RAD51B: variants seen among roughly 807,000 people sequenced by gnomAD.
RAD51B encodes RAD51 paralog B.
A neutral mutation model predicts 42.2 loss-of-function variants in RAD51B; 38 were observed. The observed-to-expected ratio is 0.90, with a 90% CI of 0.70 to 1.18. RAD51B has a LOEUF of 1.18. Ranked by LOEUF, RAD51B falls within the 50% of genes most tolerant of loss-of-function variation. RAD51B has a pLI of 0.00. For synonymous variants in RAD51B, 154 were observed against 145.2 expected (o/e 1.06, Z -0.43); for missense variants, 373 against 400.7 (o/e 0.93, Z 0.59).
chr14:68,663,528 G>A (rs1413204683), intron 11 of RAD51B, among the ~76,000 whole-genome samples: 1 of 152,174 alleles, frequency 6.6e-6, no homozygotes, highest in Admixed American at 6.5e-5. Flanking sequence ...GCCCTGGAGG[G>A]CTTCATCTTT....
At chr14:68,274,375 A>T (rs148510467) in intron 7 of RAD51B, among the ~76,000 whole-genome samples, 12 of 152,310 alleles carry the variant, frequency 7.9e-5, no homozygotes, top group African/African-American at 2.6e-4. Flanking sequence ...TATCTCTGGA[A>T]CACACATTTC....
chr14:67,842,705 A>G (rs1262662096), intron 4 of RAD51B, among the ~76,000 whole-genome samples: 1 of 152,108 alleles, frequency 6.6e-6, no homozygotes, highest in East Asian at 1.9e-4. Context: ...TCTGGCTAGG[A>G]CTTCCTGTAC....
chr14:68,368,988 G>T (rs1024466882), intron 8 of RAD51B, among the ~76,000 whole-genome samples: 6 of 151,914 alleles, frequency 3.9e-5, no homozygotes, highest in Admixed American at 3.9e-4. Flanking sequence ...TATTTTTTAG[G>T]GTTTTCCCCC....
chr14:67,823,729 A>C, intron 2 of RAD51B, 102 bp downstream of exon 2: 1 of 871,150 alleles, frequency 1.1e-6, no homozygotes, highest in Non-Finnish European at 1.7e-6. Context: ...GGCTTACAAA[A>C]AAAAGATAAA....
chr14:68,263,833 T>C (rs2080933582), intron 7 of RAD51B, among the ~76,000 whole-genome samples: 1 of 152,204 alleles, frequency 6.6e-6, no homozygotes, highest in South Asian at 2.1e-4. Context: ...GCAAACTTGA[T>C]CATCAGAAAC....
intron 7 of RAD51B, among the ~76,000 whole-genome samples, chr14:68,024,197 C>T (rs2075914504): frequency 6.6e-6 from 1 of 151,990 alleles, no homozygotes; most frequent in Non-Finnish European, 1.5e-5. Context: ...CTGTATTGAT[C>T]TATGTGTTTT....
intron 4 of RAD51B, among the ~76,000 whole-genome samples, chr14:67,855,986 C>T (rs2041986377): frequency 1.3e-5 from 2 of 152,212 alleles, no homozygotes; most frequent in Non-Finnish European, 2.9e-5. Flanking sequence ...CCCAATTCTT[C>T]ACTTACTCTC....
intron 7 of RAD51B, among the ~76,000 whole-genome samples, chr14:68,097,514 A>G (rs1371941083): frequency 3.9e-5 from 6 of 152,218 alleles, no homozygotes; most frequent in Admixed American, 3.3e-4. Flanking sequence ...CACCCAAACC[A>G]TATACACAAC....
At chr14:68,530,446 C>CTAAA (rs1887214014) in intron 10 of RAD51B, among the ~76,000 whole-genome samples, 1 of 67,844 alleles carries the variant, frequency 1.5e-5, no homozygotes, top group Non-Finnish European at 2.8e-5. Context: ...GACCCTGTCT[C>CTAAA]AAAAAAAAAA....
At chr14:67,873,104 T>C (rs1190575874) in intron 5 of RAD51B, among the ~76,000 whole-genome samples, 5 of 152,154 alleles carry the variant, frequency 3.3e-5, no homozygotes, top group Middle Eastern at 3.4e-3. Context: ...CTAATTAAAC[T>C]AAAGAGCTTC....
chr14:68,227,184 C>T (rs950524125), intron 7 of RAD51B, among the ~76,000 whole-genome samples: 1 of 152,228 alleles, frequency 6.6e-6, no homozygotes, highest in African/African-American at 2.4e-5. Context: ...TTTGGAGTCA[C>T]TTCTGGCTTT....
intron 7 of RAD51B, among the ~76,000 whole-genome samples, chr14:68,076,516 T>C (rs566335954): frequency 2.0e-5 from 3 of 152,234 alleles, no homozygotes; most frequent in East Asian, 3.9e-4. Flanking sequence ...AAGATAGAAG[T>C]AGGACCAGTG....
intron 7 of RAD51B, among the ~76,000 whole-genome samples, chr14:68,180,916 T>C (rs2140882901): frequency 6.6e-6 from 1 of 152,188 alleles, no homozygotes; most frequent in Middle Eastern, 3.4e-3. Flanking sequence ...TTCATACAGA[T>C]TGGGGGAACT....
chr14:68,227,906 ATT>A (rs2080072677), intron 7 of RAD51B, among the ~76,000 whole-genome samples: 1 of 152,164 alleles, frequency 6.6e-6, no homozygotes, highest in Admixed American at 6.5e-5. Context: ...AACAGAGCAT[ATT>A]ATTATGCCAT....
intron 7 of RAD51B, among the ~76,000 whole-genome samples, chr14:67,930,098 G>A (rs910787401): frequency 6.6e-6 from 1 of 152,128 alleles, no homozygotes; most frequent in Admixed American, 6.5e-5. Flanking sequence ...CAGGTAAAGT[G>A]CACTGATTGT....
At chr14:68,510,531 G>T (rs1316644075) in intron 10 of RAD51B, among the ~76,000 whole-genome samples, 1 of 152,188 alleles carries the variant, frequency 6.6e-6, no homozygotes, top group Non-Finnish European at 1.5e-5. Context: ...CCTGTTGGGG[G>T]GCTCTGGCTG....
At chr14:68,011,916 A>G (rs2075690717) in intron 7 of RAD51B, among the ~76,000 whole-genome samples, 2 of 152,228 alleles carry the variant, frequency 1.3e-5, no homozygotes, top group South Asian at 2.1e-4. Flanking sequence ...TTTTCTTGCA[A>G]AGCATCGACA....
intron 8 of RAD51B, among the ~76,000 whole-genome samples, chr14:68,315,163 A>G (rs897040544): frequency 2.0e-5 from 3 of 152,252 alleles, no homozygotes; most frequent in Non-Finnish European, 4.4e-5. Context: ...GAAGGAATGC[A>G]TATTCTCTGG....
intron 7 of RAD51B, among the ~76,000 whole-genome samples, chr14:68,245,543 T>C (rs1265907818): frequency 6.6e-6 from 1 of 152,206 alleles, no homozygotes; most frequent in Non-Finnish European, 1.5e-5. Context: ...TTATGCAACA[T>C]AAGTTACCTT....
Sources: gnomAD v4.1 joint callset for allele counts (sites outside exome capture counted in the v4.1 genomes callset) on GRCh38, gnomAD v4.1.1 for gene constraint, MANE v1.5 for transcripts, NCBI Gene and HGNC (gene_info 2026-07-23, HGNC 2026-07-21) for gene names.